Variants in HORMAD1 observed in about 807,000 individuals in gnomAD.
HORMAD1 encodes HORMA domain-containing protein 1.
Under a neutral mutation model 58.2 loss-of-function variants are expected in HORMAD1, and 33 were observed. The ratio of observed to expected loss-of-function variants is 0.57; its 90% CI spans 0.43 to 0.76. HORMAD1 has a LOEUF of 0.76. Ranked by LOEUF, HORMAD1 falls within the 30% of genes least tolerant of loss-of-function variation. HORMAD1 has a pLI of 0.00. For synonymous variants in HORMAD1, 137 were observed against 144.6 expected (o/e 0.95, Z 0.38); for missense variants, 363 against 462.0 (o/e 0.79, Z 1.96).
At chr1:150,718,895 T>A (rs1051236992) in intron 2 of HORMAD1, among the ~76,000 whole-genome samples, 1 of 152,266 alleles carries the variant, frequency 6.6e-6, no homozygotes, top group African/African-American at 2.4e-5. Context: ...AAAGCAGTAT[T>A]CATTAATACC....
At chr1:150,703,825 C>A (rs952511294) in intron 12 of HORMAD1, among the ~76,000 whole-genome samples, 3 of 152,088 alleles carry the variant, frequency 2.0e-5, no homozygotes, top group African/African-American at 7.2e-5. Context: ...ATTATATATT[C>A]CACTTATAAA....
Position 150,704,282 on chromosome 1 carries a change from A to C in HORMAD1, c.866T>G (p.Leu289Arg). 1 of 1,595,814 alleles carries C rather than the reference A, an allele frequency of 6.3e-7. No individual in the cohort carries two copies. The highest frequency in any genetic ancestry group is 8.5e-7 in the Non-Finnish European group (1 of 1,172,252). The change falls in exon 11 of 15, where the codon CTT becomes CGT. Residue 289 changes from leucine (L) to arginine (R), a missense_variant. Transcript: ENST00000361824. ...CATTTTCATTAACTTCTTACCTTCAAGTTCAGAAGATGCAGGGTTTTTTTC... is the reference window on the plus strand; with the variant it reads ...CATTTTCATTAACTTCTTACCTTCACGTTCAGAAGATGCAGGGTTTTTTTC... ...EQEKNPASSELEEPSLVCEED... is the reference protein window; with the variant it reads ...EQEKNPASSEREEPSLVCEED...
intron 3 of HORMAD1, among the ~76,000 whole-genome samples, 180 bp downstream of exon 3, chr1:150,716,954 CAAAA>C (rs61024265): frequency 2.2e-5 from 2 of 90,856 alleles, no homozygotes; most frequent in Admixed American, 1.2e-4. Flanking sequence ...GACCCCGTCT[CAAAA>C]AAAAAAAAAA....
At chr1:150,711,245 T>C (rs2101872905) in intron 7 of HORMAD1, among the ~76,000 whole-genome samples, 1 of 152,316 alleles carries the variant, frequency 6.6e-6, no homozygotes, top group East Asian at 1.9e-4. Context: ...TTCTAAAATG[T>C]AGTATAAAAA....
intron 7 of HORMAD1, 152 bp downstream of exon 7, chr1:150,711,393 A>G: frequency 1.6e-6 from 1 of 627,314 alleles, no homozygotes; most frequent in South Asian, 2.3e-5. Flanking sequence ...GCCTTACCTC[A>G]GAAGAGTTTT....
intron 5 of HORMAD1, 32 bp downstream of exon 5, chr1:150,714,052 GA>G (rs587619481): frequency 0.012 from 15,257 of 1,324,728 alleles, 122 homozygotes; most frequent in Middle Eastern, 0.031. Context: ...ATAAACTGTA[GA>G]AAAAAAAGGA....
chr1:150,702,381 A>G (rs1335922846), intron 13 of HORMAD1, among the ~76,000 whole-genome samples: 6 of 152,240 alleles, frequency 3.9e-5, no homozygotes, highest in African/African-American at 1.2e-4. Flanking sequence ...TCAAAGATCT[A>G]GAACCAGAAA....
chr1:150,704,370 T>G (rs1443395878), intron 10 of HORMAD1, 27 bp from the exon 11 acceptor site: 4 of 1,434,748 alleles, frequency 2.8e-6, no homozygotes, highest in Non-Finnish European at 3.8e-6. Flanking sequence ...AGAAAAAAAT[T>G]GACACATTTC....
Position 150,708,388 on chromosome 1 carries a change from A to C in HORMAD1, c.415T>G (p.Ser139Ala). The change falls in exon 9 of 15, where the codon TCT (serine) becomes GCT (alanine). Residue 139 changes from serine (S) to alanine (A), a missense_variant. Around this residue, in one of 3 missense-constraint regions of HORMAD1, gnomAD observed 128 missense variants for 171.8 expected, o/e 0.74. Transcript: ENST00000361824. ...DFISKNQSNE[S>A]SMLSTDTKKA... ...TTGGTGTCAGTAGACAACATGCTAG[A>C]TTCGTTGCTTTGGTTTTTACTAGAA... 1 of 1,599,758 alleles carries C rather than the reference A, an allele frequency of 6.3e-7. No homozygotes were observed. The highest frequency in any genetic ancestry group is 8.5e-7 in the Non-Finnish European group (1 of 1,173,974).
At chr1:150,708,818 C>T in intron 8 of HORMAD1, 76 bp downstream of exon 8, 2 of 774,976 alleles carry the variant, frequency 2.6e-6, no homozygotes, top group Non-Finnish European at 4.4e-6. Context: ...CAGAATGAAT[C>T]CTGAGGTTTA....
At chr1:150,708,586 T>C (rs1294197383) in intron 8 of HORMAD1, among the ~76,000 whole-genome samples, 179 bp from the exon 9 acceptor site, 2 of 152,212 alleles carry the variant, frequency 1.3e-5, no homozygotes, top group East Asian at 1.9e-4. Context: ...CTGCTAGAAA[T>C]AATAACTTAA....
At chr1:150,717,312 A>G in intron 2 of HORMAD1, 30 bp from the exon 3 acceptor site, 1 of 1,348,092 alleles carries the variant, frequency 7.4e-7, no homozygotes. Context: ...AGAACACTTT[A>G]TTTAAATTTA....
chr1:150,708,388 A>G lies in HORMAD1; in HGVS notation c.415T>C (p.Ser139Pro). The G allele has an allele frequency of 1.3e-6, 2 of 1,599,758 alleles. No individual in the cohort carries two copies. The highest frequency in any genetic ancestry group is 2.3e-5 in the South Asian group (2 of 88,124). The change falls in exon 9 of 15, where the codon TCT becomes CCT. Residue 139 changes from serine to proline, a missense_variant. Coordinates refer to ENST00000361824, the MANE Select transcript of HORMAD1 (RefSeq NM_032132.5). ...DFISKNQSNE[S>P]SMLSTDTKKA... Reference sequence around the variant, plus strand: ...TTGGTGTCAGTAGACAACATGCTAGATTCGTTGCTTTGGTTTTTACTAGAA... The same window carrying G: ...TTGGTGTCAGTAGACAACATGCTAGGTTCGTTGCTTTGGTTTTTACTAGAA...
At chr1:150,718,236 A>G (rs1350829550) in intron 2 of HORMAD1, among the ~76,000 whole-genome samples, 1 of 151,930 alleles carries the variant, frequency 6.6e-6, no homozygotes, top group African/African-American at 2.4e-5. Flanking sequence ...CGTCCTACCC[A>G]TTAGCCTATC....
intron 5 of HORMAD1, among the ~76,000 whole-genome samples, chr1:150,712,329 T>A (rs1651929317): frequency 6.6e-6 from 1 of 152,172 alleles, no homozygotes; most frequent in Non-Finnish European, 1.5e-5. Flanking sequence ...CTAAGAGTCA[T>A]CCTTGATTCT....
intron 1 of HORMAD1, among the ~76,000 whole-genome samples, chr1:150,720,361 G>A (rs979572697): frequency 2.6e-5 from 4 of 152,026 alleles, no homozygotes; most frequent in African/African-American, 9.7e-5. Context: ...GTGCCCGGCC[G>A]CTAATTTTTT....
chr1:150,710,022 GATA>G (rs1557798431), intron 7 of HORMAD1, among the ~76,000 whole-genome samples: 1 of 152,124 alleles, frequency 6.6e-6, no homozygotes, highest in Non-Finnish European at 1.5e-5. Flanking sequence ...AAATAATGAA[GATA>G]ATAATCAATA....
At chr1:150,700,078 T>C (rs1651491786) in intron 14 of HORMAD1, 34 bp downstream of exon 14, 3 of 979,822 alleles carry the variant, frequency 3.1e-6, no homozygotes, top group Non-Finnish European at 4.9e-6. Context: ...ATCCTTCCCA[T>C]TGTATTCAAA....
chr1:150,708,800 C>T (rs1281261898), intron 8 of HORMAD1, 94 bp downstream of exon 8: 5 of 679,626 alleles, frequency 7.4e-6, no homozygotes, highest in East Asian at 2.8e-5. Context: ...GGGATGTCCC[C>T]GCAGTTTCAG....
Sources: allele counts gnomAD v4.1 joint callset (sites outside exome capture counted in the v4.1 genomes callset), GRCh38; gene constraint gnomAD v4.1.1; regional missense constraint gnomAD v4.1.1; transcripts MANE v1.5; gene names NCBI Gene and HGNC (gene_info 2026-07-23, HGNC 2026-07-21).